MYOM2: variants seen among roughly 807,000 people sequenced by gnomAD.
The protein encoded by MYOM2 is myomesin-2.
In MYOM2, 254 loss-of-function variants were observed where a neutral mutation model predicts 187.6. The observed-to-expected ratio is 1.35, with a 90% confidence interval of 1.22 to 1.50. The LOEUF (loss-of-function observed/expected upper bound fraction) is 1.50. Ranked by LOEUF, MYOM2 falls within the 40% of genes most tolerant of loss-of-function variation. The pLI is 0.00. For synonymous variants in MYOM2, 981 were observed against 753.8 expected, an observed-to-expected ratio of 1.30 and a Z score of -4.94; for missense variants, 2,796 against 1,924.0, an observed-to-expected ratio of 1.45 and a Z score of -8.48.
At chr8:2,076,592 T>C (rs1282352806) in intron 11 of MYOM2, 3 of 323,162 alleles carry the variant, frequency 9.3e-6, no homozygotes, top group Non-Finnish European at 1.7e-5. Context: ...GTGGTTCTGC[T>C]GAGGTCCGGG....
At chr8:2,099,950 A>G (rs1796624843) in intron 19 of MYOM2, among the ~76,000 whole-genome samples, 1 of 152,206 alleles carries the variant, frequency 6.6e-6, no homozygotes, top group South Asian at 2.1e-4. Context: ...ATCAGCTGCT[A>G]AGAAGCCAGA....
At chr8:2,057,997 GGTTTTTTTTTTTT>G (rs1563417794) in intron 5 of MYOM2, among the ~76,000 whole-genome samples, 3 of 113,170 alleles carry the variant, frequency 2.7e-5, no homozygotes, top group African/African-American at 9.8e-5. Flanking sequence ...TTTTTCAGAG[GGTTTTTTTTTTTT>G]TTTTTTTTTT....
At chr8:2,136,506 T>C (rs533864539) in intron 32 of MYOM2, among the ~76,000 whole-genome samples, 4 of 152,258 alleles carry the variant, frequency 2.6e-5, no homozygotes, top group African/African-American at 7.2e-5. Flanking sequence ...TCCCCCAGAT[T>C]GTGTGGCTGT....
intron 28 of MYOM2, among the ~76,000 whole-genome samples, chr8:2,119,991 G>A (rs1462862080): frequency 6.6e-6 from 1 of 152,164 alleles, no homozygotes; most frequent in Non-Finnish European, 1.5e-5. Context: ...AGATGAGGAA[G>A]GTAGCCCACA....
chr8:2,082,509 T>C (rs1281489301), intron 13 of MYOM2, among the ~76,000 whole-genome samples: 3 of 152,224 alleles, frequency 2.0e-5, no homozygotes, highest in African/African-American at 7.2e-5. Flanking sequence ...TCTGCTATTT[T>C]TGACTTTTTG....
chr8:2,115,164 C>CAAA (rs66740208), intron 25 of MYOM2, among the ~76,000 whole-genome samples: 3 of 144,176 alleles, frequency 2.1e-5, no homozygotes, highest in African/African-American at 7.6e-5. Flanking sequence ...AGGCAACCAG[C>CAAA]AAAAAAAAAA....
chr8:2,048,042 A>G (rs977057246), intron 1 of MYOM2, among the ~76,000 whole-genome samples: 5 of 152,202 alleles, frequency 3.3e-5, no homozygotes, highest in Non-Finnish European at 7.3e-5. Flanking sequence ...TCTTATTTCA[A>G]TGTAGCTCAT....
In MYOM2 at chr8:2,108,787, G is replaced by C. The variant is rs148418008; in HGVS notation, c.3000G>C (p.Glu1000Asp). The C allele has an allele frequency of 2.5e-6, 4 of 1,613,764 alleles. No homozygotes were observed. Among genetic ancestry groups the C allele is most frequent in the Non-Finnish European group, 3.4e-6 (4 of 1,179,964 alleles). The stretch of plus-strand genomic sequence containing the variant: ...TGAAATACTTTTTCTTCGTTTTAGA[G>C]CTCGAGCGTTTGATGGCATTGAGCA... ...VSSSFVLDPEELERLMALSNE... is the reference protein window; with the variant it reads ...VSSSFVLDPEDLERLMALSNE... The change falls in exon 24 of 37, where the codon GAG (glutamate) becomes GAC (aspartate). Residue 1000 changes from glutamate (E) to aspartate (D), a missense_variant and splice_region_variant. Glu to Asp is a conservative substitution (Grantham distance 45). Coordinates refer to ENST00000262113, the MANE Select transcript of MYOM2 (RefSeq NM_003970.4).
At chr8:2,118,550 A>G (rs1042332912) in intron 28 of MYOM2, among the ~76,000 whole-genome samples, 3 of 152,204 alleles carry the variant, frequency 2.0e-5, no homozygotes, top group Non-Finnish European at 2.9e-5. Context: ...CAGTTTCAAT[A>G]AAGAGATGAT....
At chr8:2,117,324 T>C (rs1248013541) in intron 27 of MYOM2, among the ~76,000 whole-genome samples, 1 of 152,208 alleles carries the variant, frequency 6.6e-6, no homozygotes, top group Non-Finnish European at 1.5e-5. Context: ...AGGGTATTAG[T>C]GTATGACTTA....
In MYOM2 at chr8:2,095,543, C is replaced by T. The variant is rs1048404575; in HGVS notation, c.2126-704C>T. On this transcript the variant is annotated intron_variant, in intron 17 of 36. Coordinates refer to ENST00000262113, the MANE Select transcript of MYOM2 (RefSeq NM_003970.4). The stretch of plus-strand genomic sequence containing the variant: ...AGGAGCTTAAGCAATCCTCCTGCCT[C>T]GGTCTCCCAAAGTGCTGGGACTACA... 7.9e-5 allele frequency among the ~76,000 whole-genome samples: 12 copies of T among 152,120 alleles called. No homozygotes were observed. The East Asian group carries it at 9.6e-4, about 12-fold the overall frequency.
intron 6 of MYOM2, among the ~76,000 whole-genome samples, chr8:2,059,601 T>A (rs1435478549): frequency 6.6e-6 from 1 of 152,166 alleles, no homozygotes; most frequent in Non-Finnish European, 1.5e-5. Context: ...AATGATAACC[T>A]TTATTTTCTT....
intron 25 of MYOM2, among the ~76,000 whole-genome samples, chr8:2,115,115 A>G (rs1034677093): frequency 1.3e-5 from 2 of 151,770 alleles, no homozygotes; most frequent in African/African-American, 4.8e-5. Flanking sequence ...AATAATTATC[A>G]AGAAGCACAA....
intron 25 of MYOM2, among the ~76,000 whole-genome samples, chr8:2,113,876 C>T (rs1328214811): frequency 6.6e-6 from 1 of 152,194 alleles, no homozygotes; most frequent in Non-Finnish European, 1.5e-5. Context: ...TTTCTCACTG[C>T]CAGGCATGAT....
chr8:2,142,228 C>A, intron 34 of MYOM2, 147 bp from the exon 35 acceptor site: 1 of 815,602 alleles, frequency 1.2e-6, no homozygotes, highest in African/African-American at 1.7e-5. Context: ...GGTCCTGTGA[C>A]CCGAACATGT....
intron 19 of MYOM2, among the ~76,000 whole-genome samples, chr8:2,099,552 A>G (rs1796613276): frequency 6.6e-6 from 1 of 151,806 alleles, no homozygotes; most frequent in South Asian, 2.1e-4. Flanking sequence ...AAAAGGCATC[A>G]TTGTTGCAGA....
chr8:2,079,630 C>T lies in MYOM2; in HGVS notation c.1516+17C>T. On this transcript the variant is annotated intron_variant, in intron 13 of 36. Transcript: ENST00000262113. ...ACCTTGAAGGTAAGTAGCACCTCAT[C>T]ACCCCAGCTGCTCAGCCCCTGGGGA... 2 of 1,612,956 alleles carry T rather than the reference C, an allele frequency of 1.2e-6. No individual in the cohort carries two copies. The highest frequency in any genetic ancestry group is 1.7e-4 in the Middle Eastern group (1 of 6,060).
At chr8:2,126,959 G>T (rs1423214440) in intron 31 of MYOM2, among the ~76,000 whole-genome samples, 2 of 148,608 alleles carry the variant, frequency 1.3e-5, no homozygotes, top group East Asian at 2.0e-4. Context: ...GGGAGGATGG[G>T]GAAGCACTGA....
Position 2,129,162 on chromosome 8 carries a change from C to G in MYOM2, c.3730C>G (p.Pro1244Ala), listed in dbSNP as rs1241042397. ...TTCGCCACTGAAGGTACTCTGCACCCCAGAAGGAATACGACTTCAGTGTTT... is the reference window on the plus strand; with the variant it reads ...TTCGCCACTGAAGGTACTCTGCACCGCAGAAGGAATACGACTTCAGTGTTT... ...SASPLKVLCT[P>A]EGIRLQCFMK... Residue 1244 changes from proline to alanine, a missense_variant, in exon 32 of 37, where the codon CCA (proline) becomes GCA (alanine). Transcript: ENST00000262113. 8 of 1,611,640 alleles carry G rather than the reference C, an allele frequency of 5.0e-6. No individual in the cohort carries two copies. The East Asian group carries it at 1.3e-4, about 27-fold the overall frequency.
Sources: allele counts gnomAD v4.1 joint callset (sites outside exome capture counted in the v4.1 genomes callset), GRCh38; gene constraint gnomAD v4.1.1; transcripts MANE v1.5; gene names NCBI Gene and HGNC (gene_info 2026-07-23, HGNC 2026-07-21).